Variants in ACTR8 observed in about 807,000 individuals in gnomAD.
The protein encoded by ACTR8 is actin-related protein 8.
In ACTR8, 70 loss-of-function variants were observed where a neutral mutation model predicts 84.3. The ratio of observed to expected loss-of-function variants is 0.83; its 90% confidence interval spans 0.68 to 1.01. The LOEUF is 1.01. Among genes scored for constraint, ACTR8 ranks in the 50% least tolerant of loss-of-function variants. ACTR8 has a pLI of 0.00. For synonymous variants in ACTR8, 268 were observed against 275.2 expected, an observed-to-expected ratio of 0.97 and a Z score of 0.26; for missense variants, 672 against 775.4, an observed-to-expected ratio of 0.87 and a Z score of 1.58.
At chr3:53,871,111 A>C in intron 11 of ACTR8, 121 bp downstream of exon 11, 1 of 1,352,054 alleles carries the variant, frequency 7.4e-7, no homozygotes, top group Non-Finnish European at 1.0e-6. Flanking sequence ...CAAGCCAAGT[A>C]GGCGCTTAAT....
rs759095388 is a variant in ACTR8 at position 53,873,018 on chromosome 3, T to C, written c.1161+14A>G. 31 of 1,586,742 alleles carry C rather than the reference T, an allele frequency of 2.0e-5. No homozygotes were observed. In the South Asian group the frequency reaches 3.4e-4, roughly 17 times the overall value. ...CTTTCTTTCTACCCATGGAAACAGATACCTATAAGTTACCTGCAGTTTTTC... is the reference window on the plus strand; with the variant it reads ...CTTTCTTTCTACCCATGGAAACAGACACCTATAAGTTACCTGCAGTTTTTC... On this transcript the variant is annotated intron_variant, in intron 9 of 12. Transcript: ENST00000335754.
chr3:53,864,416 T>C (rs991792982), downstream of ACTR8, among the ~76,000 whole-genome samples: 1 of 152,058 alleles, frequency 6.6e-6, no homozygotes, highest in Non-Finnish European at 1.5e-5. Flanking sequence ...GCGCCTGTAG[T>C]CCCAGCTACT....
chr3:53,872,473 T>C lies in ACTR8; in HGVS notation c.1213A>G (p.Met405Val). The C allele has an allele frequency of 6.2e-7, 1 of 1,610,802 alleles. No homozygotes were observed. The highest frequency in any genetic ancestry group is 8.5e-7 in the Non-Finnish European group (1 of 1,178,856). The change falls in exon 10 of 13, where the codon ATG becomes GTG. Residue 405 changes from methionine to valine, a missense_variant. Physicochemically the swap from Met to Val is conservative, Grantham distance 21. Transcript: ENST00000335754. ...PATFGIVGQK[M>V]TTLQHRSQGD... is the part of the protein sequence containing the mutation. The stretch of plus-strand genomic sequence containing the variant: ...TGAGATCTGTGCTGCAAAGTCGTCA[T>C]TTTCTGTCCAACGATTCCAAAAGTT...
rs1394413663 is a variant in ACTR8, at chr3:53,882,072, C to G, written c.30G>C (p.Glu10Asp). The G allele has an allele frequency of 6.4e-7, 1 of 1,551,672 alleles. No individual in the cohort carries two copies. Among genetic ancestry groups the G allele is most frequent in the East Asian group, 2.4e-5 (1 of 40,908 alleles). The change falls in exon 1 of 13, where the codon GAG becomes GAC. Residue 10 changes from glutamate to aspartate, a missense_variant. Physicochemically the swap from Glu to Asp is conservative, Grantham distance 45. Coordinates refer to ENST00000335754, the MANE Select transcript of ACTR8 (RefSeq NM_022899.5). MTQAEKGDT[E>D]NGKEKGGEKE... ...TCTCGCCGCCCTTCTCCTTTCCGTT[C>G]TCCGTATCACCCTTCTCAGCCTGGG...
Position 53,868,082 on chromosome 3 carries a change from G to C in ACTR8, c.*637C>G, listed in dbSNP as rs1429850141. On this transcript the variant is annotated 3_prime_UTR_variant, in exon 13 of 13. Transcript: ENST00000335754. ...CTTTCTTCCTCTAAGCTCACCCTAC[G>C]GCATGTCAGGTAACAAAAGCCAGTC... 1.3e-5 allele frequency: 2 copies of C among 151,898 alleles called. No homozygotes were observed. Among genetic ancestry groups the C allele is most frequent in the African/African-American group, 4.8e-5 (2 of 41,330 alleles). The allele number at this position is 151,898 out of a possible 1,614,324, so 9.4% of individuals were successfully genotyped here. A position where few individuals can be genotyped will look rare whatever the true frequency, so the allele number is the denominator to read the frequency against.
intron 8 of ACTR8, 100 bp from the exon 9 acceptor site, chr3:53,873,227 A>G: frequency 1.2e-6 from 1 of 862,920 alleles, no homozygotes; most frequent in East Asian, 2.8e-5. Context: ...TCACCTATAA[A>G]AAGGCCAACC....
In ACTR8 at chr3:53,871,480, GC is replaced by G; in HGVS notation, c.1318del (p.Ala440LeufsTer32). The G allele has an allele frequency of 6.2e-7, 1 of 1,614,106 alleles. No individual in the cohort carries two copies. Among genetic ancestry groups the G allele is most frequent in the South Asian group, 1.1e-5 (1 of 91,084 alleles). On this transcript the variant is annotated frameshift_variant, in exon 11 of 13. Transcript: ENST00000335754. LOFTEE classifies it high-confidence loss of function. The stretch of plus-strand genomic sequence containing the variant: ...AGGTTTGGATGCAGACTTTCGGTCA[GC>G]AGTAGCTTTTGCAGACTTTAAATCA... Reference protein sequence around the residue: ...SKQEQSAKATADRKSASKPIG... With the variant: ...SKQEQSAKATXDRKSASKPIG...
chr3:53,876,257 G>A (rs997796990), intron 6 of ACTR8, among the ~76,000 whole-genome samples, 177 bp from the exon 7 acceptor site: 13 of 152,126 alleles, frequency 8.5e-5, no homozygotes, highest in South Asian at 4.1e-4. Context: ...GGTGGCTCAC[G>A]TCTGTAATCC....
chr3:53,873,385 TC>T (rs142574158), intron 8 of ACTR8, among the ~76,000 whole-genome samples: 11,029 of 152,238 alleles, frequency 0.072, 609 homozygotes, highest in Middle Eastern at 0.16. Flanking sequence ...ATGACCCAAA[TC>T]AATAAGCAAA....
chr3:53,859,011 T>C, the ACTR8 span: 1 of 500,358 alleles, frequency 2.0e-6, no homozygotes, highest in Non-Finnish European at 3.6e-6. Flanking sequence ...GAACAGGCTT[T>C]ATTTGTAAAA....
At chr3:53,873,471 TA>T (rs1559792648) in intron 8 of ACTR8, among the ~76,000 whole-genome samples, 6 of 152,160 alleles carry the variant, frequency 3.9e-5, no homozygotes, top group Non-Finnish European at 8.8e-5. Context: ...CTGAAAAAAG[TA>T]AAAACAAGTC....
In ACTR8 at chr3:53,877,632, AAAG is replaced by A. The variant is rs766138851; in HGVS notation, c.510+12_510+14del. The A allele has an allele frequency of 6.9e-6, 11 of 1,602,950 alleles. No individual in the cohort carries two copies. In the Admixed American group the frequency reaches 1.0e-4, roughly 15 times the overall value. ...GCTTCCCCTTCTTTCATTCTATTGT[AAAG>A]AAGTTTCTTACCTCTTCTCCTACTA... On this transcript the variant is annotated intron_variant, in intron 4 of 12. Transcript: ENST00000335754.
downstream of ACTR8, chr3:53,867,040 C>T (rs542380367): frequency 3.3e-5 from 5 of 152,208 alleles, no homozygotes; most frequent in South Asian, 2.1e-4. Flanking sequence ...TACAAGTGGA[C>T]GCTTAGTAAT....
chr3:53,866,392 C>G (rs373980846), downstream of ACTR8, among the ~76,000 whole-genome samples: 67 of 152,150 alleles, frequency 4.4e-4, no homozygotes, highest in South Asian at 0.013. Flanking sequence ...AACAAACAAA[C>G]GAAAAAACCC....
chr3:53,873,018 T>TA lies in ACTR8; in HGVS notation c.1161+13dup. ...CTTTCTTTCTACCCATGGAAACAGA[T>TA]ACCTATAAGTTACCTGCAGTTTTTC... is the stretch of plus-strand genomic sequence containing the variant. On this transcript the variant is annotated intron_variant, in intron 9 of 12. Transcript: ENST00000335754. 1 of 1,586,860 alleles carries TA rather than the reference T, an allele frequency of 6.3e-7. No individual in the cohort carries two copies. The highest frequency in any genetic ancestry group is 8.6e-7 in the Non-Finnish European group (1 of 1,158,634).
downstream of ACTR8, chr3:53,864,631 C>T (rs540623129): frequency 2.6e-6 from 2 of 772,024 alleles, no homozygotes; most frequent in Admixed American, 2.3e-5. Context: ...ACTAACAAGG[C>T]CCTTGGTGCT....
At chr3:53,859,983 C>G in the ACTR8 span, 1 of 589,614 alleles carries the variant, frequency 1.7e-6, no homozygotes, top group Non-Finnish European at 2.9e-6. Flanking sequence ...GCACTCCAGC[C>G]TAGGCAACAA....
intron 5 of ACTR8, 86 bp from the exon 6 acceptor site, chr3:53,876,799 A>G: frequency 3.0e-6 from 2 of 666,696 alleles, no homozygotes; most frequent in East Asian, 3.0e-5. Flanking sequence ...ACTTCCCTCC[A>G]AAGGAGTAGC....
At chr3:53,873,728 G>A (rs995797999) in intron 8 of ACTR8, among the ~76,000 whole-genome samples, 8 of 152,104 alleles carry the variant, frequency 5.3e-5, no homozygotes, top group African/African-American at 1.7e-4. Context: ...CTCACTGCTC[G>A]GACTTTAGCA....
Sources: gnomAD v4.1 joint callset for allele counts (sites outside exome capture counted in the v4.1 genomes callset) on GRCh38, gnomAD v4.1.1 for gene constraint, MANE v1.5 for transcripts, NCBI Gene and HGNC (gene_info 2026-07-23, HGNC 2026-07-21) for gene names.